Variants in CEMIP observed in about 807,000 individuals in gnomAD.
The protein encoded by CEMIP is cell migration-inducing and hyaluronan-binding protein.
Under a neutral mutation model 156.9 loss-of-function variants are expected in CEMIP, and 105 were observed. The observed-to-expected ratio is 0.67, with a 90% CI of 0.57 to 0.79. CEMIP has a LOEUF of 0.79. CEMIP is among the 30% of genes least tolerant of loss of function. The pLI, the probability that CEMIP is intolerant of heterozygous loss-of-function variation, is 0.00. For missense variants in CEMIP, 1,457 were observed against 1,769.4 expected (o/e 0.82, Z 3.17); for synonymous variants, 676 against 668.4 (o/e 1.01, Z -0.17).
intron 12 of CEMIP, among the ~76,000 whole-genome samples, chr15:80,900,079 C>T (rs994077037): frequency 2.6e-5 from 4 of 152,176 alleles, no homozygotes; most frequent in Admixed American, 1.3e-4. Context: ...GAGACCAGTC[C>T]CCATCTGCAC....
Position 80,839,289 on chromosome 15 carries a change from A to ATGTGTGTGTGTGTGTGTGTGTGTGT in CEMIP, c.-175-34249_-175-34248insTGTGTGTGTGTGTGTGTGTGTGTGT, listed in dbSNP as rs71455356. Among the ~76,000 whole-genome samples the ATGTGTGTGTGTGTGTGTGTGTGTGT allele has an allele frequency of 1.0e-3, 132 of 131,178 alleles. 3 individuals carry two copies. Among genetic ancestry groups the ATGTGTGTGTGTGTGTGTGTGTGTGT allele is most frequent in the African/African-American group, 3.9e-3 (127 of 32,658 alleles). The allele number at this position is 131,178 out of a possible 152,430, so 86.1% of individuals were successfully genotyped here. ...TGAAGGCTGTGGAGTCAAGGCCGTG[A>ATGTGTGTGTGTGTGTGTGTGTGTGT]GTGTGTGTGTGTGTGTGTGTGTGTG... On this transcript the variant is annotated intron_variant, in intron 1 of 29. Transcript: ENST00000394685.
chr15:80,932,623 C>G lies in CEMIP; in HGVS notation c.2793+584C>G, dbSNP rs1900965325. 6.6e-6 allele frequency among the ~76,000 whole-genome samples: 1 copy of G among 152,154 alleles called. No individual in the cohort carries two copies. On this transcript the variant is annotated intron_variant, in intron 22 of 29. Coordinates refer to ENST00000394685, the MANE Select transcript of CEMIP (RefSeq NM_001293298.2). The surrounding 1 kb of genome is among the most constrained non-coding windows in gnomAD (Gnocchi z 4.5). The stretch of plus-strand genomic sequence containing the variant: ...TGGATTCCCAGACTTTTCCCTCCTT[C>G]TCCTCCCTGCTCCTGCCTTTTGCCT...
intron 1 of CEMIP, among the ~76,000 whole-genome samples, chr15:80,845,641 G>C (rs1897535286): frequency 1.3e-5 from 2 of 152,124 alleles, no homozygotes; most frequent in African/African-American, 4.8e-5. Context: ...AGGGAAAACA[G>C]ACAGTTCTAT....
At chr15:80,794,062 G>A (rs566855972) in intron 1 of CEMIP, among the ~76,000 whole-genome samples, 26 of 152,260 alleles carry the variant, frequency 1.7e-4, no homozygotes, top group East Asian at 7.7e-4. Context: ...TTTGAAAAGT[G>A]GGACAACTTG....
intron 7 of CEMIP, among the ~76,000 whole-genome samples, chr15:80,885,079 C>T (rs1008698525): frequency 1.3e-5 from 2 of 152,174 alleles, no homozygotes; most frequent in African/African-American, 2.4e-5. Context: ...CTCTGCCCCT[C>T]GCCCCTGCCA....
At chr15:80,815,475 C>T (rs1230509023) in intron 1 of CEMIP, among the ~76,000 whole-genome samples, 3 of 152,232 alleles carry the variant, frequency 2.0e-5, no homozygotes, top group African/African-American at 7.2e-5. Context: ...GGAAAATGCA[C>T]AGTACAATGC....
chr15:80,900,585 G>GGGTGTGTGT (rs1218716074), intron 12 of CEMIP, among the ~76,000 whole-genome samples: 3 of 74,928 alleles, frequency 4.0e-5, no homozygotes, highest in African/African-American at 1.1e-4. Flanking sequence ...CCCAGGTAGG[G>GGGTGTGTGT]GTGTGTGTGT....
chr15:80,881,213 C>T (rs574173901), intron 6 of CEMIP, 77 bp downstream of exon 6: 146 of 1,267,984 alleles, frequency 1.2e-4, no homozygotes, highest in Non-Finnish European at 1.5e-4. Flanking sequence ...GGCCAGGTGC[C>T]GCTCTAGGTG....
chr15:80,856,448 T>C (rs1389946552), intron 1 of CEMIP, among the ~76,000 whole-genome samples: 1 of 152,256 alleles, frequency 6.6e-6, no homozygotes, highest in Non-Finnish European at 1.5e-5. Flanking sequence ...ATGTTACTGG[T>C]AGCATCTAGG....
intron 1 of CEMIP, among the ~76,000 whole-genome samples, chr15:80,804,020 G>A (rs1896447547): frequency 1.3e-5 from 2 of 152,240 alleles, no homozygotes. Flanking sequence ...AAAGGCACAT[G>A]TTGCATGCCA....
rs1458341340 is a variant in CEMIP at position 80,950,533 on chromosome 15, C to G, written c.*1609C>G. 1 of 152,320 alleles carries G rather than the reference C, an allele frequency of 6.6e-6. No individual in the cohort carries two copies. The highest frequency in any genetic ancestry group is 1.9e-4 in the East Asian group (1 of 5,198). 9.4% of individuals were successfully genotyped at this position (152,320 alleles called of 1,614,324 possible). ...CTTTGTTCACTACCTGTCAGCCCAG[C>G]CTGGGTGCACAGTAGCTGCAACTCC... is the stretch of plus-strand genomic sequence containing the variant. On this transcript the variant is annotated 3_prime_UTR_variant, in exon 30 of 30. Coordinates refer to ENST00000394685, the MANE Select transcript of CEMIP (RefSeq NM_001293298.2).
rs745555869 is a variant in CEMIP, at chr15:80,895,936, T to A, written c.1287T>A (p.Asn429Lys). 6.2e-7 allele frequency: 1 copy of A among 1,614,120 alleles called. No homozygotes were observed. Among genetic ancestry groups the A allele is most frequent in the South Asian group, 1.1e-5 (1 of 91,078 alleles). ...VNSTILNLEDNVQSWKPGDTL... is the reference protein window; with the variant it reads ...VNSTILNLEDKVQSWKPGDTL... ...GCACCATTCTGAACTTGGAGGATAA[T>A]GTACAGTCATGGAAACCTGGAGATA... Residue 429 changes from asparagine (N) to lysine (K), a missense_variant, in exon 12 of 30, where the codon AAT becomes AAA. Around this residue, in one of 5 missense-constraint regions of CEMIP, gnomAD observed 280 missense variants for 300.3 expected, o/e 0.93. Transcript: ENST00000394685.
intron 12 of CEMIP, among the ~76,000 whole-genome samples, chr15:80,904,040 C>A (rs1278243668): frequency 2.6e-5 from 4 of 152,202 alleles, no homozygotes. Flanking sequence ...CATTTCATAT[C>A]ATTTCCCCTG....
At chr15:80,940,253 T>C (rs997670264) in intron 25 of CEMIP, among the ~76,000 whole-genome samples, 1 of 152,206 alleles carries the variant, frequency 6.6e-6, no homozygotes, top group African/African-American at 2.4e-5. Flanking sequence ...CACATCCAAG[T>C]TGTAGGTCAG....
At chr15:80,917,597 G>A (rs1035306319) in intron 14 of CEMIP, among the ~76,000 whole-genome samples, 1 of 152,184 alleles carries the variant, frequency 6.6e-6, no homozygotes, top group Non-Finnish European at 1.5e-5. Flanking sequence ...TTAAACAGGT[G>A]AATAGGATTC....
In CEMIP at chr15:80,920,198, G is replaced by A; in HGVS notation, c.1902G>A (p.Lys634=). 3 of 1,614,238 alleles carry A rather than the reference G, an allele frequency of 1.9e-6. No individual in the cohort carries two copies. The highest frequency in any genetic ancestry group is 2.5e-6 in the Non-Finnish European group (3 of 1,180,050). ...TFDHCLGLLV[K]SGTLLPSDRD... ...ACCACTGTCTTGGCCTCCTTGTCAA[G>A]TCTGGAACCCTCCTCCCCTCGGACC... Residue 634 remains lysine (K), a synonymous_variant, in exon 15 of 30, where the codon AAG becomes AAA. Transcript: ENST00000394685.
intron 12 of CEMIP, among the ~76,000 whole-genome samples, chr15:80,899,817 T>A (rs1899395176): frequency 6.6e-6 from 1 of 152,182 alleles, no homozygotes; most frequent in African/African-American, 2.4e-5. Flanking sequence ...TGTTAAACCC[T>A]TGGGTCTTCA....
At chr15:80,828,462 C>G (rs768603251) in intron 1 of CEMIP, among the ~76,000 whole-genome samples, 3 of 152,072 alleles carry the variant, frequency 2.0e-5, no homozygotes, top group African/African-American at 4.8e-5. Context: ...ATCCCATTGT[C>G]CAAAATAATA....
intron 3 of CEMIP, among the ~76,000 whole-genome samples, chr15:80,875,512 G>T (rs1358205162): frequency 1.3e-5 from 2 of 152,158 alleles, no homozygotes; most frequent in East Asian, 1.9e-4. Flanking sequence ...CCTTGGAGAG[G>T]TGCCCTCAGG....
Sources: gnomAD v4.1 joint callset for allele counts (sites outside exome capture counted in the v4.1 genomes callset) on GRCh38, gnomAD v4.1.1 for gene constraint, gnomAD v4.1.1 regional missense constraint, Gnocchi (gnomAD v3.1) non-coding constraint, MANE v1.5 for transcripts, NCBI Gene and HGNC (gene_info 2026-07-23, HGNC 2026-07-21) for gene names.